The following WTAP variants were observed in gnomAD, a reference collection of about 807,000 sequenced individuals.
WTAP encodes the protein pre-mRNA-splicing regulator WTAP.
In WTAP, 8 loss-of-function variants were observed where a neutral mutation model predicts 50.0. That is an observed-to-expected ratio of 0.16 (90% CI 0.09 to 0.29). The LOEUF is 0.29. Among genes scored for constraint, WTAP ranks in the 10% least tolerant of loss-of-function variants. The pLI is 1.00. For synonymous variants in WTAP, 194 were observed against 169.0 expected (o/e 1.15, Z -1.15); for missense variants, 295 against 470.7 (o/e 0.63, Z 3.45).
chr6:159,735,890 C>G (rs537577506), intron 1 of WTAP, among the ~76,000 whole-genome samples: 1 of 152,076 alleles, frequency 6.6e-6, no homozygotes, highest in Non-Finnish European at 1.5e-5. Context: ...CTTTTATAGT[C>G]CCTTAGCAAC....
rs1779987903 is a variant in WTAP at position 159,755,765 on chromosome 6, C to CTTTGTTTTTTTTTTTTTTTT, written c.*157_*158insGTTTTTTTTTTTTTTTTTTT. On this transcript the variant is annotated 3_prime_UTR_variant, in exon 8 of 8. Coordinates refer to ENST00000621533, the MANE Select transcript of WTAP (RefSeq NM_001270531.2). ...TTTTTCTTTGTTTTTTTTTTCTTTT[C>CTTTGTTTTTTTTTTTTTTTT]TTTTTTTTTTTTTTTTTTTTTTTTT... The CTTTGTTTTTTTTTTTTTTTT allele has an allele frequency of 6.2e-6, 1 of 160,626 alleles. No individual in the cohort carries two copies. Among genetic ancestry groups the CTTTGTTTTTTTTTTTTTTTT allele is most frequent in the African/African-American group, 9.0e-5 (1 of 11,068 alleles). The allele number at this position is 160,626 out of a possible 1,614,324, so 10.0% of individuals were successfully genotyped here.
At position 159,736,306 on chromosome 6, in the gene WTAP, T is replaced by C. The variant is rs762498568; in HGVS notation, c.30+11T>C. On this transcript the variant is annotated intron_variant, in intron 2 of 7. Coordinates refer to ENST00000621533, the MANE Select transcript of WTAP (RefSeq NM_001270531.2). ...CCTCTTCCCAAGAAGGTATGGGTTT[T>C]GGTTTTGGGTTTTTTTGTTTTGTTT... is the stretch of plus-strand genomic sequence containing the variant. 6.2e-7 allele frequency: 1 copy of C among 1,604,374 alleles called. No homozygotes were observed. Among genetic ancestry groups the C allele is most frequent in the South Asian group, 1.1e-5 (1 of 88,222 alleles).
intron 1 of WTAP, among the ~76,000 whole-genome samples, chr6:159,731,589 C>G (rs1778573420): frequency 6.6e-6 from 1 of 152,152 alleles, no homozygotes; most frequent in Non-Finnish European, 1.5e-5. Context: ...TGATTATTAT[C>G]CTCAACCTGT....
intron 6 of WTAP, among the ~76,000 whole-genome samples, chr6:159,752,420 A>G (rs188583044): frequency 1.3e-5 from 2 of 152,326 alleles, no homozygotes; most frequent in East Asian, 3.9e-4. Flanking sequence ...TGCTGAGGCT[A>G]AAGAAAAGCA....
At chr6:159,741,783 T>A in intron 3 of WTAP, 1 of 211,180 alleles carries the variant, frequency 4.7e-6, no homozygotes, top group Non-Finnish European at 9.5e-6. Flanking sequence ...AGCTCGGGAG[T>A]TCAAGACCAG....
rs764725164 is a variant in WTAP at position 159,740,326 on chromosome 6, A to G, written c.86+1281A>G. 1.1e-4 allele frequency among the ~76,000 whole-genome samples: 17 copies of G among 152,222 alleles called. 1 individual carries two copies. In the East Asian group the frequency reaches 1.7e-3, roughly 16 times the overall value. On this transcript the variant is annotated intron_variant, in intron 3 of 7. Coordinates refer to ENST00000621533, the MANE Select transcript of WTAP (RefSeq NM_001270531.2). The stretch of plus-strand genomic sequence containing the variant: ...AAGATACCTTTAAGGTTTCTAAATC[A>G]TATGCAGTGTATTTCCTTGAGGTCA...
At chr6:159,745,602 G>A (rs1779528149) in intron 5 of WTAP, among the ~76,000 whole-genome samples, 1 of 152,108 alleles carries the variant, frequency 6.6e-6, no homozygotes, top group Non-Finnish European at 1.5e-5. Flanking sequence ...TAAAGTTTCA[G>A]GTGAGAGTGA....
chr6:159,755,765 C>CTTT lies in WTAP; in HGVS notation c.*177_*179dup. 1,114 of 173,074 alleles carry CTTT rather than the reference C, an allele frequency of 6.4e-3. 2 individuals are homozygous for CTTT. The highest frequency in any genetic ancestry group is 7.8e-3 in the Middle Eastern group (3 of 386). The allele number at this position is 173,074 out of a possible 1,614,324, so 10.7% of individuals were successfully genotyped here. On this transcript the variant is annotated 3_prime_UTR_variant, in exon 8 of 8. Coordinates refer to ENST00000621533, the MANE Select transcript of WTAP (RefSeq NM_001270531.2). ...TTTTTCTTTGTTTTTTTTTTCTTTT[C>CTTT]TTTTTTTTTTTTTTTTTTTTTTTTT... is the stretch of plus-strand genomic sequence containing the variant.
intron 6 of WTAP, chr6:159,749,439 T>C (rs1293578634): frequency 1.0e-6 from 1 of 984,168 alleles, no homozygotes. Context: ...TTTTTTTTTT[T>C]TTAAGTTCAA....
At chr6:159,726,855 T>C (rs1213694923), upstream of WTAP, 9 of 1,289,094 alleles carry the variant, frequency 7.0e-6, no homozygotes, top group South Asian at 2.5e-5. Flanking sequence ...AACTTACAGG[T>C]GAGCTTCTGC....
chr6:159,746,821 A>G lies in WTAP; in HGVS notation c.274-1370A>G, dbSNP rs1161776103. Among the ~76,000 whole-genome samples, 5 of 152,344 alleles carry G rather than the reference A, an allele frequency of 3.3e-5. No individual in the cohort carries two copies. In the East Asian group the frequency reaches 5.8e-4, roughly 18 times the overall value. On this transcript the variant is annotated intron_variant, in intron 5 of 7. Coordinates refer to ENST00000621533, the MANE Select transcript of WTAP (RefSeq NM_001270531.2). ...TACTCAGTGTTCTCTTCCCTAGAAC[A>G]TGGAATTTATTCTAGTCTGATTCAC...
chr6:159,733,179 AGAAT>A (rs967551525), intron 1 of WTAP, among the ~76,000 whole-genome samples: 85 of 47,552 alleles, frequency 1.8e-3, no homozygotes, highest in Non-Finnish European at 5.6e-3. Flanking sequence ...AAAGAAAAAA[AGAAT>A]AATATACATT....
intron 5 of WTAP, among the ~76,000 whole-genome samples, chr6:159,744,099 A>G (rs1779419711): frequency 6.6e-6 from 1 of 152,130 alleles, no homozygotes; most frequent in Non-Finnish European, 1.5e-5. Flanking sequence ...ATAAAAGAAC[A>G]TTTGCTCTTT....
At chr6:159,732,886 A>AGTGTGTGTGTGTGTGTGTGTGT (rs67554039) in intron 1 of WTAP, among the ~76,000 whole-genome samples, 75 of 146,486 alleles carry the variant, frequency 5.1e-4, no homozygotes, top group African/African-American at 1.8e-3. Context: ...ATATATATAT[A>AGTGTGTGTGTGTGTGTGTGTGT]GTGTGTGTGT....
chr6:159,755,822 AAC>A lies in WTAP; in HGVS notation c.*213_*214del, dbSNP rs1779994865. On this transcript the variant is annotated 3_prime_UTR_variant, in exon 8 of 8. Transcript: ENST00000621533. ...ATACTTCTGCCGCTTTGGAAATTGT[AAC>A]AGTTAATTACTTTGAATGTTGCTAA... The A allele has an allele frequency of 1.3e-6, 1 of 757,172 alleles. No individual in the cohort carries two copies. The highest frequency in any genetic ancestry group is 1.7e-6 in the Non-Finnish European group (1 of 587,538). 46.9% of individuals were successfully genotyped at this position (757,172 alleles called of 1,614,324 possible).
At chr6:159,749,951 C>T (rs1326218228) in intron 6 of WTAP, among the ~76,000 whole-genome samples, 1 of 152,172 alleles carries the variant, frequency 6.6e-6, no homozygotes, top group Non-Finnish European at 1.5e-5. Flanking sequence ...CTTGTCCCAA[C>T]GTTTAAGTGC....
intron 1 of WTAP, among the ~76,000 whole-genome samples, chr6:159,730,433 G>A (rs1778496588): frequency 6.6e-6 from 1 of 151,642 alleles, no homozygotes; most frequent in South Asian, 2.1e-4. Context: ...TATTGTGTTT[G>A]TCATTTGCGC....
In WTAP at chr6:159,748,526, T is replaced by C; in HGVS notation, c.452+157T>C. Reference sequence around the variant, plus strand: ...ACACTGTCCAGCTTGTAATGGTTAATGTAAAACTTACCAGATGAACCTTGT... The same window carrying C: ...ACACTGTCCAGCTTGTAATGGTTAACGTAAAACTTACCAGATGAACCTTGT... On this transcript the variant is annotated intron_variant, in intron 6 of 7. Transcript: ENST00000621533. This position sits in a 1 kb window ranked among gnomAD's most constrained non-coding sequence, Gnocchi z 5.6. 1.4e-6 allele frequency: 2 copies of C among 1,400,942 alleles called. No homozygotes were observed. The highest frequency in any genetic ancestry group is 1.8e-5 in the South Asian group (1 of 54,608). The allele number at this position is 1,400,942 out of a possible 1,614,324, so 86.8% of individuals were successfully genotyped here.
chr6:159,729,098 G>T (rs1778407178), intron 1 of WTAP, among the ~76,000 whole-genome samples: 1 of 152,188 alleles, frequency 6.6e-6, no homozygotes, highest in African/African-American at 2.4e-5. Context: ...AAAGCCCTGT[G>T]ATGTGGAGAT....
Sources: allele counts gnomAD v4.1 joint callset (sites outside exome capture counted in the v4.1 genomes callset), GRCh38; gene constraint gnomAD v4.1.1; non-coding constraint Gnocchi (gnomAD v3.1); transcripts MANE v1.5; gene names NCBI Gene and HGNC (gene_info 2026-07-23, HGNC 2026-07-21).